KCTD10: variants seen among roughly 807,000 people sequenced by gnomAD.
KCTD10 encodes potassium channel tetramerization domain containing 10, also known as BTB/POZ domain-containing adapter for CUL3-mediated RhoA degradation protein 3.
A neutral mutation model predicts 34.6 loss-of-function variants in KCTD10; 13 were observed. That is an observed-to-expected ratio of 0.38 (90% confidence interval 0.24 to 0.60). The LOEUF (loss-of-function observed/expected upper bound fraction) is 0.60. Ranked by LOEUF, KCTD10 falls within the 20% of genes least tolerant of loss-of-function variation. The probability of loss-of-function intolerance (pLI) is 0.66; values close to 1 mark genes in which losing one functional copy is unlikely to be tolerated. For synonymous variants in KCTD10, 156 were observed against 168.8 expected, an observed-to-expected ratio of 0.92 and a Z score of 0.59; for missense variants, 256 against 420.3, an observed-to-expected ratio of 0.61 and a Z score of 3.42.
chr12:109,450,833 C>T lies in KCTD10; in HGVS notation c.*762G>A, dbSNP rs1872735338. 1 of 154,402 alleles carries T rather than the reference C, an allele frequency of 6.5e-6. No homozygotes were observed. Among genetic ancestry groups the T allele is most frequent in the East Asian group, 1.9e-4 (1 of 5,258 alleles). The allele number at this position is 154,402 out of a possible 1,614,324, so 9.6% of individuals were successfully genotyped here. A position where few individuals can be genotyped will look rare whatever the true frequency, so the allele number is the denominator to read the frequency against. ...AACCAGAAACAGAGCTGGACACTTA[C>T]TGCCATGGAAAGTTCTGCTCCTACG... On this transcript the variant is annotated 3_prime_UTR_variant, in exon 7 of 7. Coordinates refer to ENST00000228495, the MANE Select transcript of KCTD10 (RefSeq NM_031954.5).
chr12:109,457,553 A>T, intron 5 of KCTD10, 77 bp downstream of exon 5: 2 of 1,306,292 alleles, frequency 1.5e-6, no homozygotes, highest in Non-Finnish European at 2.2e-6. Context: ...TGAAGGTACG[A>T]AGAAGAGCTG....
chr12:109,466,710 C>T (rs1311587273), intron 2 of KCTD10, among the ~76,000 whole-genome samples: 1 of 152,260 alleles, frequency 6.6e-6, no homozygotes, highest in African/African-American at 2.4e-5. Flanking sequence ...GAAGCAATCA[C>T]TTTCTTGGGC....
chr12:109,472,165 A>G (rs1873921644), intron 1 of KCTD10, among the ~76,000 whole-genome samples: 1 of 152,218 alleles, frequency 6.6e-6, no homozygotes, highest in South Asian at 2.1e-4. Flanking sequence ...TTTACTTTAA[A>G]AACTTTTTAA....
At position 109,451,496 on chromosome 12, in the gene KCTD10, A is replaced by G; in HGVS notation, c.*99T>C. 4 of 1,141,900 alleles carry G rather than the reference A, an allele frequency of 3.5e-6. No individual in the cohort carries two copies. Among genetic ancestry groups the G allele is most frequent in the South Asian group, 3.1e-5 (2 of 65,166 alleles). 70.7% of individuals were successfully genotyped at this position (1,141,900 alleles called of 1,614,324 possible). On this transcript the variant is annotated 3_prime_UTR_variant, in exon 7 of 7. Coordinates refer to ENST00000228495, the MANE Select transcript of KCTD10 (RefSeq NM_031954.5). The surrounding 1 kb of genome is among the most constrained non-coding windows in gnomAD (Gnocchi z 5.0). ...TGTTACAAAAGTATCTCCAGGCTCC[A>G]AGGGAAGCAGAAGGGGCCCGGCAGC...
intron 1 of KCTD10, among the ~76,000 whole-genome samples, chr12:109,472,873 T>C (rs1336876358): frequency 6.6e-6 from 1 of 152,196 alleles, no homozygotes; most frequent in East Asian, 1.9e-4. Context: ...TTAAAGATAA[T>C]TTGCACATAA....
At position 109,450,464 on chromosome 12, in the gene KCTD10, C is replaced by A. The variant is rs1592830981; in HGVS notation, c.*1131G>T. 2 of 399,060 alleles carry A rather than the reference C, an allele frequency of 5.0e-6. No individual in the cohort carries two copies. Among genetic ancestry groups the A allele is most frequent in the South Asian group, 1.3e-4 (1 of 7,848 alleles). 24.7% of individuals were successfully genotyped at this position (399,060 alleles called of 1,614,324 possible). On this transcript the variant is annotated 3_prime_UTR_variant, in exon 7 of 7. Transcript: ENST00000228495. ...ACCCAAAGTTATCTATCTACCCGCACATCCTCAACCTGTTCACTGCTGGCC... is the reference window on the plus strand; with the variant it reads ...ACCCAAAGTTATCTATCTACCCGCAAATCCTCAACCTGTTCACTGCTGGCC...
rs1474673348 is a variant in KCTD10, at chr12:109,451,736, A to G, written c.801T>C (p.Pro267=). The change falls in exon 7 of 7, where the codon CCT becomes CCC. Residue 267 remains proline (P), a synonymous_variant. Transcript: ENST00000228495. This position sits in a 1 kb window ranked among gnomAD's most constrained non-coding sequence, Gnocchi z 5.0. ...CTGTGGCCTCCAGGAGCGCATTGTC[A>G]GGTCCCCGGCCATCCTGGGCCTCAT... ...LLYEAQDGRG[P]DNALLEATGG... The G allele has an allele frequency of 6.2e-7, 1 of 1,614,148 alleles. No homozygotes were observed. The highest frequency in any genetic ancestry group is 1.7e-5 in the Admixed American group (1 of 60,020).
Position 109,451,364 on chromosome 12 carries a change from T to C in KCTD10, c.*231A>G. 1 of 482,266 alleles carries C rather than the reference T, an allele frequency of 2.1e-6. No individual in the cohort carries two copies. Among genetic ancestry groups the C allele is most frequent in the Non-Finnish European group, 3.6e-6 (1 of 275,674 alleles). 29.9% of individuals were successfully genotyped at this position (482,266 alleles called of 1,614,324 possible). A position where few individuals can be genotyped will look rare whatever the true frequency, so the allele number is the denominator to read the frequency against. ...GGCTCCAAAGAGTCTCAGATTCTCA[T>C]GAAAAGTAGAGATCTTAGACACAGC... On this transcript the variant is annotated 3_prime_UTR_variant, in exon 7 of 7. Coordinates refer to ENST00000228495, the MANE Select transcript of KCTD10 (RefSeq NM_031954.5). This position sits in a 1 kb window ranked among gnomAD's most constrained non-coding sequence, Gnocchi z 5.0.
intron 2 of KCTD10, among the ~76,000 whole-genome samples, chr12:109,465,489 C>T (rs1466081545): frequency 6.6e-6 from 1 of 152,158 alleles, no homozygotes; most frequent in Non-Finnish European, 1.5e-5. Flanking sequence ...ACTGCCTGGG[C>T]CACACCCTGG....
Position 109,449,402 on chromosome 12 carries a change from T to G in KCTD10, c.*2193A>C, listed in dbSNP as rs1396329604. 6.6e-6 allele frequency: 1 copy of G among 152,218 alleles called. No homozygotes were observed. Among genetic ancestry groups the G allele is most frequent in the Admixed American group, 6.5e-5 (1 of 15,276 alleles). The allele number at this position is 152,218 out of a possible 1,614,324, so 9.4% of individuals were successfully genotyped here. On this transcript the variant is annotated 3_prime_UTR_variant, in exon 7 of 7. Transcript: ENST00000228495. The stretch of plus-strand genomic sequence containing the variant: ...ATAGAGGCCACAGCAAATCAAATTG[T>G]TCCACAAACTCATTCTTCACACAAA...
intron 1 of KCTD10, chr12:109,470,016 A>C: frequency 8.2e-7 from 1 of 1,221,362 alleles, no homozygotes; most frequent in South Asian, 2.1e-5. Flanking sequence ...CCCAAAACCC[A>C]CCCAAAAAGC....
At chr12:109,476,940 C>T (rs1592854594) in intron 1 of KCTD10, among the ~76,000 whole-genome samples, 3 of 152,260 alleles carry the variant, frequency 2.0e-5, no homozygotes, top group South Asian at 2.1e-4. Flanking sequence ...ATCACCAACT[C>T]CCATCTCCAA....
At chr12:109,456,634 A>G (rs1250891774) in intron 5 of KCTD10, 2 of 404,766 alleles carry the variant, frequency 4.9e-6, no homozygotes, top group Non-Finnish European at 9.3e-6. Flanking sequence ...CAGGTGGAGG[A>G]GAGCACCTCA....
At chr12:109,476,382 T>G (rs1874266679) in intron 1 of KCTD10, among the ~76,000 whole-genome samples, 1 of 152,150 alleles carries the variant, frequency 6.6e-6, no homozygotes, top group African/African-American at 2.4e-5. Context: ...TCCAGGGACG[T>G]GACAAACAAG....
Position 109,469,490 on chromosome 12 carries a change from G to A in KCTD10, c.217+25C>T, listed in dbSNP as rs374551839. On this transcript the variant is annotated intron_variant, in intron 2 of 6. Transcript: ENST00000228495. ...TTGACCACATAACGCATGGCCAGAGGCAGGCACATGGTGGGTGAGCTTACC... is the reference window on the plus strand; with the variant it reads ...TTGACCACATAACGCATGGCCAGAGACAGGCACATGGTGGGTGAGCTTACC... The A allele has an allele frequency of 5.5e-5, 89 of 1,611,094 alleles. 1 individual carries two copies. In the African/African-American group the frequency reaches 1.1e-3, roughly 21 times the overall value.
intron 2 of KCTD10, 49 bp downstream of exon 2, chr12:109,469,466 T>C (rs932810004): frequency 1.3e-6 from 2 of 1,594,604 alleles, no homozygotes; most frequent in Non-Finnish European, 1.7e-6. Flanking sequence ...AAGCCCTCCT[T>C]GACCACATAA....
intron 1 of KCTD10, chr12:109,471,323 C>T (rs1435526763): frequency 1.7e-5 from 17 of 985,358 alleles, no homozygotes; most frequent in Non-Finnish European, 2.0e-5. Context: ...GGCCAACTCT[C>T]CCCAACTCCA....
chr12:109,471,042 C>T (rs955629560), intron 1 of KCTD10: 3 of 905,662 alleles, frequency 3.3e-6, no homozygotes, highest in Non-Finnish European at 4.0e-6. Context: ...GGAAATAAAC[C>T]CAACTTTGCT....
chr12:109,465,247 T>G (rs1264667991), intron 2 of KCTD10, among the ~76,000 whole-genome samples: 1 of 152,176 alleles, frequency 6.6e-6, no homozygotes, highest in East Asian at 1.9e-4. Flanking sequence ...GGAAAATGTC[T>G]GAACGAGAGC....
Sources: gnomAD v4.1 joint callset for allele counts (sites outside exome capture counted in the v4.1 genomes callset) on GRCh38, gnomAD v4.1.1 for gene constraint, Gnocchi (gnomAD v3.1) non-coding constraint, MANE v1.5 for transcripts, NCBI Gene and HGNC (gene_info 2026-07-23, HGNC 2026-07-21) for gene names.